Variants in RIMS3 observed in about 807,000 individuals in gnomAD.
The protein encoded by RIMS3 is regulating synaptic membrane exocytosis 3, also known as regulating synaptic membrane exocytosis protein 3.
In RIMS3, 15 loss-of-function variants were observed where a neutral mutation model predicts 29.2. The observed-to-expected ratio is 0.51, with a 90% CI of 0.34 to 0.79. RIMS3 has a LOEUF of 0.79. RIMS3 is among the 30% of genes least tolerant of loss of function. The pLI is 0.01. For synonymous variants in RIMS3, 161 were observed against 170.1 expected, an observed-to-expected ratio of 0.95 and a Z score of 0.41; for missense variants, 342 against 421.4, an observed-to-expected ratio of 0.81 and a Z score of 1.65.
chr1:40,636,773 G>A lies in RIMS3; in HGVS notation c.218-716C>T, dbSNP rs1008094673. 3.9e-5 allele frequency among the ~76,000 whole-genome samples: 6 copies of A among 152,170 alleles called. No homozygotes were observed. The highest frequency in any genetic ancestry group is 5.9e-5 in the Non-Finnish European group (4 of 68,030). On this transcript the variant is annotated intron_variant, in intron 3 of 7. Coordinates refer to ENST00000372684, the MANE Select transcript of RIMS3 (RefSeq NM_014747.3). This position sits in a 1 kb window ranked among gnomAD's most constrained non-coding sequence, Gnocchi z 4.2. ...CCTGTGAGAACTTACCCGTGTCTCC[G>A]TGCCTCCTGTTCAGAGGCCCTCGAC...
chr1:40,657,318 CTGCTATCTGCCCGTGA>C (rs1253992382), intron 1 of RIMS3, among the ~76,000 whole-genome samples: 2 of 152,284 alleles, frequency 1.3e-5, no homozygotes, highest in East Asian at 3.9e-4. Context: ...GGATGGTAAC[CTGCTATCTGCCCGTGA>C]GACCTTCACA....
At chr1:40,628,424 G>T (rs551782050) in intron 7 of RIMS3, among the ~76,000 whole-genome samples, 1 of 152,254 alleles carries the variant, frequency 6.6e-6, no homozygotes, top group South Asian at 2.1e-4. Context: ...TTTCCGTAAA[G>T]TGAAGAGAAT....
Position 40,626,745 on chromosome 1 carries a change from G to A in RIMS3, c.715-16C>T. 6.2e-7 allele frequency: 1 copy of A among 1,613,040 alleles called. No homozygotes were observed. On this transcript the variant is annotated splice_polypyrimidine_tract_variant and intron_variant, in intron 7 of 7. Coordinates refer to ENST00000372684, the MANE Select transcript of RIMS3 (RefSeq NM_014747.3). ...AGACGATCACCTGCCAGGAGGAAGA[G>A]AGGGAGGGAGTGAGCCACCTCCCTG...
In RIMS3 at chr1:40,660,182, G is replaced by A. The variant is rs566567470; in HGVS notation, c.-207+5212C>T. ...AGGGGTGTGGGACGGGAAGAGGGGCGTATCCAGGAGAACTTTCAGCTTTCT... is the reference window on the plus strand; with the variant it reads ...AGGGGTGTGGGACGGGAAGAGGGGCATATCCAGGAGAACTTTCAGCTTTCT... On this transcript the variant is annotated intron_variant, in intron 1 of 7. Transcript: ENST00000372684. Among the ~76,000 whole-genome samples the A allele has an allele frequency of 1.6e-4, 25 of 152,158 alleles. No individual in the cohort carries two copies. In the South Asian group the frequency reaches 3.9e-3, roughly 24 times the overall value.
intron 3 of RIMS3, among the ~76,000 whole-genome samples, chr1:40,638,656 C>T (rs770979788): frequency 1.3e-5 from 2 of 152,166 alleles, no homozygotes; most frequent in African/African-American, 2.4e-5. Context: ...ATACTAGCTC[C>T]GTTTGGGCAG....
upstream of RIMS3, chr1:40,669,319 C>T (rs1046193372): frequency 1.3e-5 from 2 of 152,184 alleles, no homozygotes; most frequent in South Asian, 2.1e-4. Flanking sequence ...ACTTGTCTTT[C>T]TAAGTGGTGG....
At chr1:40,656,680 A>G (rs2744804) in intron 1 of RIMS3, among the ~76,000 whole-genome samples, 120,176 of 151,700 alleles carry the variant, frequency 0.79, 48,230 homozygotes, top group African/African-American at 0.9. Flanking sequence ...CTACTCGGGA[A>G]GCTGTGGCAG....
rs148325884 is a variant in RIMS3, at chr1:40,626,325, T to TACAC, written c.*188_*191dup. 1 of 599,040 alleles carries TACAC rather than the reference T, an allele frequency of 1.7e-6. No individual in the cohort carries two copies. The highest frequency in any genetic ancestry group is 3.0e-6 in the Non-Finnish European group (1 of 330,448). 37.1% of individuals were successfully genotyped at this position (599,040 alleles called of 1,614,324 possible). A position where few individuals can be genotyped will look rare whatever the true frequency, so the allele number is the denominator to read the frequency against. On this transcript the variant is annotated 3_prime_UTR_variant, in exon 8 of 8. Coordinates refer to ENST00000372684, the MANE Select transcript of RIMS3 (RefSeq NM_014747.3). The stretch of plus-strand genomic sequence containing the variant: ...AATGAACAGATAGAACGTGGTCACG[T>TACAC]ACACACACACACACACGCACGCACA...
chr1:40,678,597 T>A, the RIMS3 span, among the ~76,000 whole-genome samples: 1 of 152,182 alleles, frequency 6.6e-6, no homozygotes, highest in South Asian at 2.1e-4. Context: ...AGTCAAGTTA[T>A]CTTGGGAGGC....
chr1:40,624,966 G>T lies in RIMS3; in HGVS notation c.*1551C>A, dbSNP rs1646444794. On this transcript the variant is annotated 3_prime_UTR_variant, in exon 8 of 8. Transcript: ENST00000372684. ...GCCTTCCACACACCTCCACTGTCCTGCTGCTTTCTCCCCTACCAGATACAA... is the reference window on the plus strand; with the variant it reads ...GCCTTCCACACACCTCCACTGTCCTTCTGCTTTCTCCCCTACCAGATACAA... 6.6e-6 allele frequency: 1 copy of T among 152,658 alleles called. No individual in the cohort carries two copies. Among genetic ancestry groups the T allele is most frequent in the Non-Finnish European group, 1.5e-5 (1 of 68,204 alleles). The allele number at this position is 152,658 out of a possible 1,614,324, so 9.5% of individuals were successfully genotyped here.
chr1:40,655,731 A>C (rs1024791239), intron 1 of RIMS3, among the ~76,000 whole-genome samples: 2 of 152,250 alleles, frequency 1.3e-5, no homozygotes, highest in Admixed American at 1.3e-4. Context: ...TAGGCTGGGC[A>C]CGGTGGCTCA....
intron 4 of RIMS3, 57 bp from the exon 5 acceptor site, chr1:40,633,238 T>A: frequency 2.2e-6 from 3 of 1,392,888 alleles, no homozygotes. Flanking sequence ...AGGATGAAAG[T>A]ATAGCTGGCA....
chr1:40,688,390 C>G, the RIMS3 span, among the ~76,000 whole-genome samples: 3 of 152,140 alleles, frequency 2.0e-5, no homozygotes, highest in Non-Finnish European at 4.4e-5. Flanking sequence ...TACCATGATA[C>G]AAGAACTGAT....
rs1646433691 is a variant in RIMS3, at chr1:40,623,276, C to G, written c.*3241G>C. On this transcript the variant is annotated 3_prime_UTR_variant, in exon 8 of 8. Transcript: ENST00000372684. ...GAGTCATTTTGGAGATGATTCTTCC[C>G]TGAAGGATCAAGTTCCCCTTGTCAA... 2.5e-6 allele frequency: 1 copy of G among 397,358 alleles called. No homozygotes were observed. Among genetic ancestry groups the G allele is most frequent in the Non-Finnish European group, 4.4e-6 (1 of 225,830 alleles). The allele number at this position is 397,358 out of a possible 1,614,324, so 24.6% of individuals were successfully genotyped here.
chr1:40,681,181 A>G, the RIMS3 span, among the ~76,000 whole-genome samples: 1 of 152,294 alleles, frequency 6.6e-6, no homozygotes, highest in South Asian at 2.1e-4. Flanking sequence ...CTTTGGCCCT[A>G]TTTCAACTCC....
intron 3 of RIMS3, among the ~76,000 whole-genome samples, chr1:40,640,966 T>C (rs770634920): frequency 6.6e-6 from 1 of 152,216 alleles, no homozygotes; most frequent in African/African-American, 2.4e-5. Context: ...TATGCTTCCC[T>C]GGAAATACGG....
At chr1:40,680,329 A>AT in the RIMS3 span, among the ~76,000 whole-genome samples, 3 of 120,586 alleles carry the variant, frequency 2.5e-5, no homozygotes, top group African/African-American at 5.9e-5. Flanking sequence ...AAGAGTAAAT[A>AT]GTTTTTTTTT....
chr1:40,667,000 G>A (rs1348707825), upstream of RIMS3, among the ~76,000 whole-genome samples: 2 of 152,310 alleles, frequency 1.3e-5, no homozygotes, highest in Non-Finnish European at 2.9e-5. Context: ...ACTCCAGCCT[G>A]AGTGACAGGG....
At chr1:40,656,521 C>T (rs1457560385) in intron 1 of RIMS3, among the ~76,000 whole-genome samples, 1 of 151,956 alleles carries the variant, frequency 6.6e-6, no homozygotes, top group East Asian at 1.9e-4. Flanking sequence ...CGGTGGCTCA[C>T]GCCTGTAATC....
Sources: gnomAD v4.1 joint callset for allele counts (sites outside exome capture counted in the v4.1 genomes callset) on GRCh38, gnomAD v4.1.1 for gene constraint, Gnocchi (gnomAD v3.1) non-coding constraint, MANE v1.5 for transcripts, NCBI Gene and HGNC (gene_info 2026-07-23, HGNC 2026-07-21) for gene names.